Variants in IPO5 observed in about 807,000 individuals in gnomAD.
IPO5 encodes the protein importin-5.
In IPO5, 18 loss-of-function variants were observed where a neutral mutation model predicts 143.3. That is an observed-to-expected ratio of 0.13 (90% CI 0.09 to 0.19). The LOEUF (loss-of-function observed/expected upper bound fraction) is 0.19. IPO5 is among the 10% of genes least tolerant of loss of function. The probability of loss-of-function intolerance (pLI) is 1.00; values close to 1 mark genes in which losing one functional copy is unlikely to be tolerated. For missense variants in IPO5, 1,013 were observed against 1,336.9 expected, an observed-to-expected ratio of 0.76 and a Z score of 3.78; for synonymous variants, 477 against 465.7, an observed-to-expected ratio of 1.02 and a Z score of -0.31.
intron 4 of IPO5, chr13:97,981,923 A>G (rs1048658809): frequency 6.5e-6 from 1 of 152,716 alleles, no homozygotes; most frequent in Non-Finnish European, 1.5e-5. Context: ...ACAAAAGACG[A>G]TAAAGCCTCC....
chr13:97,987,968 G>A, intron 6 of IPO5: 1 of 279,006 alleles, frequency 3.6e-6, no homozygotes, highest in Non-Finnish European at 7.9e-6. Context: ...TTTTTAAGCT[G>A]CTATTTTATT....
rs1172863234 is a variant in IPO5 at position 98,018,621 on chromosome 13, G to C, written c.2753G>C (p.Ser918Thr). 3 of 1,614,058 alleles carry C rather than the reference G, an allele frequency of 1.9e-6. No individual in the cohort carries two copies. The highest frequency in any genetic ancestry group is 2.5e-6 in the Non-Finnish European group (3 of 1,180,030). Residue 918 changes from serine to threonine, a missense_variant, in exon 26 of 29, where the codon AGC becomes ACC. By Grantham distance (58) the Ser-to-Thr change is moderately conservative. Coordinates refer to ENST00000651721, the MANE Select transcript of IPO5 (RefSeq NM_002271.6). ...RPMLQYVCDN[S>T]PEVRQAAAYG... ...ATGCTCCAATATGTATGTGACAACA[G>C]CCCAGAAGTCAGGCAAGCAGCTGCA...
chr13:97,988,327 C>T (rs929290527), intron 6 of IPO5, among the ~76,000 whole-genome samples: 1 of 152,242 alleles, frequency 6.6e-6, no homozygotes, highest in Non-Finnish European at 1.5e-5. Context: ...GATGTCTTCT[C>T]AAGTTCCAAA....
intron 2 of IPO5, among the ~76,000 whole-genome samples, chr13:97,961,273 T>C (rs1884860162): frequency 6.6e-6 from 1 of 152,248 alleles, no homozygotes; most frequent in Non-Finnish European, 1.5e-5. Flanking sequence ...TGGTGAATAA[T>C]GTTGCCATGA....
At chr13:97,967,922 C>T (rs933829232) in intron 2 of IPO5, among the ~76,000 whole-genome samples, 4 of 152,094 alleles carry the variant, frequency 2.6e-5, no homozygotes, top group East Asian at 1.9e-4. Flanking sequence ...TGAGCCACCG[C>T]ACCCGGCTCA....
chr13:97,972,677 G>A (rs1885919078), intron 3 of IPO5, among the ~76,000 whole-genome samples: 1 of 152,174 alleles, frequency 6.6e-6, no homozygotes, highest in Non-Finnish European at 1.5e-5. Flanking sequence ...ATTACTTCGG[G>A]GCAGTTTTGT....
rs771772807 is a variant in IPO5 at position 97,985,447 on chromosome 13, A to G, written c.198A>G (p.Leu66=). Residue 66 remains leucine, a synonymous_variant, in exon 6 of 29, where the codon CTA becomes CTG. Transcript: ENST00000651721. ...EEARQMAAVL[L]RRLLSSAFDE... Reference sequence around the variant, plus strand: ...CTAGACAAATGGCCGCCGTTCTCCTAAGACGTCTCTTGTCCTCTGCATTTG... The same window carrying G: ...CTAGACAAATGGCCGCCGTTCTCCTGAGACGTCTCTTGTCCTCTGCATTTG... 6.2e-7 allele frequency: 1 copy of G among 1,614,090 alleles called. No individual in the cohort carries two copies. The highest frequency in any genetic ancestry group is 1.1e-5 in the South Asian group (1 of 91,082).
chr13:97,964,240 T>C (rs1885120315), intron 2 of IPO5, among the ~76,000 whole-genome samples: 1 of 152,096 alleles, frequency 6.6e-6, no homozygotes, highest in Non-Finnish European at 1.5e-5. Flanking sequence ...GCAATTGCTT[T>C]TGGTGTTTTA....
At position 97,970,962 on chromosome 13, in the gene IPO5, C is replaced by G. The variant is rs530629321; in HGVS notation, c.-5+1132C>G. 2.0e-5 allele frequency among the ~76,000 whole-genome samples: 3 copies of G among 152,310 alleles called. 1 individual carries two copies. Among genetic ancestry groups the G allele is most frequent in the African/African-American group, 7.2e-5 (3 of 41,554 alleles). On this transcript the variant is annotated intron_variant, in intron 3 of 28. Transcript: ENST00000651721. ...TTAAGCATTTACTCTGTGCCCGGCACTACTGCCAGGTATTTTAATCAGTAG... is the reference window on the plus strand; with the variant it reads ...TTAAGCATTTACTCTGTGCCCGGCAGTACTGCCAGGTATTTTAATCAGTAG...
Position 98,002,987 on chromosome 13 carries a change from G to C in IPO5, c.1447G>C (p.Asp483His). 10 of 1,613,960 alleles carry C rather than the reference G, an allele frequency of 6.2e-6. No homozygotes were observed. Among genetic ancestry groups the C allele is most frequent in the Non-Finnish European group, 8.5e-6 (10 of 1,179,896 alleles). ...CAAGTCACTACTTATTCCATACTTG[G>C]ATAATTTGGTGAAACATCTGCATTC... ...CPKSLLIPYL[D>H]NLVKHLHSIM... Residue 483 changes from aspartate (D) to histidine (H), a missense_variant, in exon 16 of 29, where the codon GAT becomes CAT. Physicochemically the swap from Asp to His is moderately conservative, Grantham distance 81 (BLOSUM62 -1). This residue lies in a region of IPO5 where 685 missense variants were observed against 994.9 expected (regional missense o/e 0.69). Coordinates refer to ENST00000651721, the MANE Select transcript of IPO5 (RefSeq NM_002271.6).
intron 7 of IPO5, 43 bp from the exon 8 acceptor site, chr13:97,990,083 T>C (rs747537850): frequency 8.8e-7 from 1 of 1,138,792 alleles, no homozygotes; most frequent in South Asian, 1.3e-5. Flanking sequence ...ACCAAGATAT[T>C]AATATAATGT....
At chr13:98,008,283 T>A (rs1327317261) in intron 18 of IPO5, 141 bp downstream of exon 18, 2 of 577,556 alleles carry the variant, frequency 3.5e-6, no homozygotes, top group Non-Finnish European at 6.2e-6. Context: ...TCACTGATTT[T>A]CCTTCTGTTT....
At chr13:97,985,746 T>G (rs1217665872) in intron 6 of IPO5, 133 bp downstream of exon 6, 3 of 667,110 alleles carry the variant, frequency 4.5e-6, no homozygotes, top group Admixed American at 2.9e-5. Context: ...ATGAATGTGC[T>G]TATGGATTTT....
chr13:97,983,418 A>G (rs895303392), intron 5 of IPO5, among the ~76,000 whole-genome samples: 1 of 152,090 alleles, frequency 6.6e-6, no homozygotes, highest in African/African-American at 2.4e-5. Context: ...CCTAGTTCCT[A>G]TACCAAATTC....
At chr13:97,992,036 G>A (rs1189252700) in intron 9 of IPO5, among the ~76,000 whole-genome samples, 1 of 152,150 alleles carries the variant, frequency 6.6e-6, no homozygotes, top group African/African-American at 2.4e-5. Context: ...AAAATTGAAG[G>A]TTTCCACATG....
At chr13:98,014,535 G>A (rs1195961782) in intron 22 of IPO5, among the ~76,000 whole-genome samples, 2 of 152,196 alleles carry the variant, frequency 1.3e-5, no homozygotes, top group Non-Finnish European at 2.9e-5. Flanking sequence ...GATTGCAGAT[G>A]TAAGGCAGCT....
intron 6 of IPO5, chr13:97,987,965 G>C: frequency 3.7e-6 from 1 of 269,660 alleles, no homozygotes; most frequent in Non-Finnish European, 8.2e-6. Flanking sequence ...TTTTTTTTAA[G>C]CTGCTATTTT....
intron 6 of IPO5, 44 bp from the exon 7 acceptor site, chr13:97,989,018 G>T (rs745448725): frequency 8.8e-7 from 1 of 1,138,798 alleles, no homozygotes; most frequent in Non-Finnish European, 1.3e-6. Flanking sequence ...GTATATTGAA[G>T]TTCTGACTTA....
intron 4 of IPO5, among the ~76,000 whole-genome samples, chr13:97,980,897 A>T (rs1282342955): frequency 2.0e-5 from 3 of 151,854 alleles, no homozygotes; most frequent in Non-Finnish European, 4.4e-5. Context: ...TTAAACATTG[A>T]TCACATTACC....
Sources: gnomAD v4.1 joint callset for allele counts (sites outside exome capture counted in the v4.1 genomes callset) on GRCh38, gnomAD v4.1.1 for gene constraint, gnomAD v4.1.1 regional missense constraint, MANE v1.5 for transcripts, NCBI Gene and HGNC (gene_info 2026-07-23, HGNC 2026-07-21) for gene names.